FAAH2: variants seen among roughly 807,000 people sequenced by gnomAD.
FAAH2 encodes the protein fatty-acid amide hydrolase 2.
FAAH2 carries 60 observed loss-of-function variants against 36.9 expected under a neutral mutation model. The ratio of observed to expected loss-of-function variants is 1.63; its 90% CI spans 1.32 to 2.02. FAAH2 has a LOEUF of 2.02. Among genes scored for constraint, FAAH2 ranks in the 30% most tolerant of loss-of-function variants. The pLI, the probability that FAAH2 is intolerant of heterozygous loss-of-function variation, is 0.00. For synonymous variants in FAAH2, 214 were observed against 143.8 expected, an observed-to-expected ratio of 1.49 and a Z score of -3.49; for missense variants, 689 against 397.5, an observed-to-expected ratio of 1.73 and a Z score of -6.23.
chrX:57,487,179 A>AT (rs1364352295), intron 10 of FAAH2, among the ~76,000 whole-genome samples: 2 of 111,073 alleles, frequency 1.8e-5, no homozygotes, highest in African/African-American at 6.5e-5. Context: ...AAACTCTAAT[A>AT]TTTTTATAAG....
chrX:57,452,351 C>T (rs1384892964), intron 10 of FAAH2: 9 of 747,985 alleles, frequency 1.2e-5, no homozygotes, highest in Non-Finnish European at 1.4e-5. Flanking sequence ...AAGAGTCCCT[C>T]TTGTACCCAT....
At chrX:57,485,471 TG>T (rs1175644992) in intron 10 of FAAH2, among the ~76,000 whole-genome samples, 1 of 111,812 alleles carries the variant, frequency 8.9e-6, no homozygotes, top group African/African-American at 3.2e-5. Context: ...GTTGCTTCTT[TG>T]TACTTCAGCT....
chrX:57,446,951 G>T lies in FAAH2; in HGVS notation c.1140G>T (p.Leu380Phe), dbSNP rs370664625. ...AGGAACCTGTGAAATTTGTAGATTT[G>T]CTTGGTGACCATGGGAAACATGTCA... ...DGKEPVKFVD[L>F]LGDHGKHVSP... Residue 380 changes from leucine to phenylalanine, a missense_variant, in exon 9 of 11, where the codon TTG becomes TTT. Physicochemically the swap from Leu to Phe is conservative, Grantham distance 22. Coordinates refer to ENST00000374900, the MANE Select transcript of FAAH2 (RefSeq NM_174912.4). 9.1e-6 allele frequency: 11 copies of T among 1,206,692 alleles called. No homozygotes were observed. The Admixed American group carries it at 1.8e-4, about 19-fold the overall frequency.
chrX:57,371,315 T>C lies in FAAH2; in HGVS notation c.743-7336T>C, dbSNP rs190945153. Among the ~76,000 whole-genome samples, 261 of 111,799 alleles carry C rather than the reference T, an allele frequency of 2.3e-3. 3 individuals carry two copies. The highest frequency in any genetic ancestry group is 7.9e-3 in the African/African-American group (245 of 30,845). ...ACTCTATGTCCATGTGTACACAATG[T>C]TTAGCTCCCACTTGTAAGTGAGAAC... On this transcript the variant is annotated intron_variant, in intron 5 of 10. Coordinates refer to ENST00000374900, the MANE Select transcript of FAAH2 (RefSeq NM_174912.4).
At chrX:57,402,943 G>C (rs2055474856) in intron 7 of FAAH2, among the ~76,000 whole-genome samples, 1 of 111,847 alleles carries the variant, frequency 8.9e-6, no homozygotes, top group Non-Finnish European at 1.9e-5. Flanking sequence ...CTGCAGTTAT[G>C]GTGGCACTTC....
At chrX:57,357,273 G>A (rs2054181086) in intron 5 of FAAH2, among the ~76,000 whole-genome samples, 1 of 110,909 alleles carries the variant, frequency 9.0e-6, no homozygotes, top group Admixed American at 9.6e-5. Context: ...CATAGGCATG[G>A]GTAAAGACTT....
chrX:57,128,393 T>C, the FAAH2 span, among the ~76,000 whole-genome samples: 494 of 111,751 alleles, frequency 4.4e-3, 3 homozygotes, highest in Middle Eastern at 0.018. Flanking sequence ...TGAGAAATGA[T>C]AGCAATGAGG....
intron 3 of FAAH2, among the ~76,000 whole-genome samples, chrX:57,319,715 C>T (rs1034933482): frequency 8.9e-6 from 1 of 112,035 alleles, no homozygotes; most frequent in African/African-American, 3.2e-5. Flanking sequence ...ATAGCCAAGA[C>T]AATCTTAAGC....
intron 6 of FAAH2, among the ~76,000 whole-genome samples, chrX:57,379,077 C>T (rs1193649183): frequency 1.8e-5 from 2 of 111,983 alleles, no homozygotes; most frequent in Admixed American, 9.5e-5. Flanking sequence ...ACTACGTTCA[C>T]TTTAAGTTCA....
At chrX:57,415,734 G>T (rs1262052838) in intron 7 of FAAH2, among the ~76,000 whole-genome samples, 1 of 111,190 alleles carries the variant, frequency 9.0e-6, no homozygotes, top group Admixed American at 9.6e-5. Flanking sequence ...GTAGATGTCT[G>T]TTAGGTTCAC....
intron 7 of FAAH2, chrX:57,394,889 A>C: frequency 1.2e-6 from 1 of 849,540 alleles, no homozygotes; most frequent in Non-Finnish European, 1.8e-6. Context: ...CAGGGCCCTG[A>C]CTATTTTACT....
At chrX:57,477,796 G>A (rs772974878) in intron 10 of FAAH2, among the ~76,000 whole-genome samples, 41 of 110,839 alleles carry the variant, frequency 3.7e-4, no homozygotes, top group African/African-American at 5.6e-4. Flanking sequence ...AGCTTCATCC[G>A]TGTCCCTACA....
the FAAH2 span, among the ~76,000 whole-genome samples, chrX:57,190,559 G>A: frequency 5.4e-5 from 6 of 110,427 alleles, no homozygotes; most frequent in African/African-American, 1.6e-4. Flanking sequence ...GGAATCTCTT[G>A]GTCTGTGGAT....
At chrX:57,267,056 C>A in the FAAH2 span, among the ~76,000 whole-genome samples, 1 of 110,924 alleles carries the variant, frequency 9.0e-6, no homozygotes, top group African/African-American at 3.3e-5. Flanking sequence ...TCTCAGGTGC[C>A]CTGCGAGCCC....
intron 5 of FAAH2, among the ~76,000 whole-genome samples, chrX:57,351,771 A>C (rs1181260368): frequency 1.9e-5 from 2 of 107,402 alleles, no homozygotes; most frequent in Non-Finnish European, 3.9e-5. Flanking sequence ...AGATTGATTC[A>C]GGAAGAAATA....
At chrX:57,225,418 G>C in the FAAH2 span, among the ~76,000 whole-genome samples, 1 of 111,786 alleles carries the variant, frequency 8.9e-6, no homozygotes, top group African/African-American at 3.3e-5. Flanking sequence ...TTCAGGAGCA[G>C]GTTATTTAAT....
At chrX:57,279,431 A>G in the FAAH2 span, among the ~76,000 whole-genome samples, 1,272 of 112,054 alleles carry the variant, frequency 0.011, 18 homozygotes, top group African/African-American at 0.04. Context: ...GGAAGGGAAC[A>G]TCACACACTG....
chrX:57,220,991 C>T, the FAAH2 span, among the ~76,000 whole-genome samples: 182 of 111,892 alleles, frequency 1.6e-3, no homozygotes, highest in Non-Finnish European at 3.1e-3. Flanking sequence ...GGCAGGTAGG[C>T]CAGTATATTT....
Position 57,472,630 on chromosome X carries a change from T to C in FAAH2, c.1424-16127T>C, listed in dbSNP as rs956656218. ...GTTCTTTTGTTTGTTGGAAGATTTG[T>C]ATTACTGATTAGATTAGTGATTAGA... On this transcript the variant is annotated intron_variant, in intron 10 of 10. Coordinates refer to ENST00000374900, the MANE Select transcript of FAAH2 (RefSeq NM_174912.4). Among the ~76,000 whole-genome samples, 4 of 111,563 alleles carry C rather than the reference T, an allele frequency of 3.6e-5. No homozygotes were observed. The East Asian group carries it at 1.1e-3, about 31-fold the overall frequency.
Sources: gnomAD v4.1 joint callset for allele counts (sites outside exome capture counted in the v4.1 genomes callset) on GRCh38, gnomAD v4.1.1 for gene constraint, MANE v1.5 for transcripts, NCBI Gene and HGNC (gene_info 2026-07-23, HGNC 2026-07-21) for gene names.